Variants in CIMAP2 observed in about 807,000 individuals in gnomAD.
CIMAP2 encodes the protein ciliary microtubule-associated protein 2.
chr1:54,823,912 G>T, the CIMAP2 span, among the ~76,000 whole-genome samples: 1 of 152,150 alleles, frequency 6.6e-6, no homozygotes, highest in African/African-American at 2.4e-5. Context: ...TGATAGCTTT[G>T]CTGGGTGTAG....
the CIMAP2 span, chr1:54,841,584 C>G: frequency 5.6e-6 from 9 of 1,614,034 alleles, no homozygotes; most frequent in South Asian, 9.9e-5. Context: ...ATGAGCTGAA[C>G]TGAGTGTGAA....
chr1:54,840,149 CT>C, the CIMAP2 span, among the ~76,000 whole-genome samples: 3 of 152,120 alleles, frequency 2.0e-5, no homozygotes, highest in Admixed American at 6.5e-5. Flanking sequence ...TGTAGTCAGT[CT>C]ACTCCTCCCA....
the CIMAP2 span, among the ~76,000 whole-genome samples, chr1:54,822,786 A>T: frequency 6.6e-6 from 1 of 152,186 alleles, no homozygotes; most frequent in South Asian, 2.1e-4. Flanking sequence ...GATTCCAGGC[A>T]TGAGACACTA....
the CIMAP2 span, chr1:54,807,616 GC>G: frequency 6.2e-7 from 1 of 1,610,498 alleles, no homozygotes; most frequent in South Asian, 1.1e-5. Flanking sequence ...CTGGGCCAAG[GC>G]CCAGGAAGCC....
chr1:54,806,977 G>A, the CIMAP2 span: 1 of 1,606,242 alleles, frequency 6.2e-7, no homozygotes, highest in Non-Finnish European at 8.5e-7. Flanking sequence ...GCTCTCACTG[G>A]GCCACCGTCC....
chr1:54,811,765 G>GCGGGGGGGGGGCCCCCCCCC, the CIMAP2 span: 1 of 1,301,318 alleles, frequency 7.7e-7, no homozygotes, highest in Admixed American at 1.8e-5. Context: ...GGTTCTGACA[G>GCGGGGGGGGGGCCCCCCCCC]CCTCCATGCC....
At chr1:54,811,921 G>A in the CIMAP2 span, 271 of 1,613,822 alleles carry the variant, frequency 1.7e-4, 2 homozygotes, top group South Asian at 2.5e-3. Flanking sequence ...CCACACCCCC[G>A]GCCTCATCAG....
the CIMAP2 span, among the ~76,000 whole-genome samples, chr1:54,820,554 T>C: frequency 1.3e-5 from 2 of 152,176 alleles, no homozygotes; most frequent in South Asian, 4.1e-4. Flanking sequence ...ACCAAAAGCA[T>C]GTAAGAGCTC....
At chr1:54,836,267 G>A in the CIMAP2 span, among the ~76,000 whole-genome samples, 7 of 130,972 alleles carry the variant, frequency 5.3e-5, no homozygotes, top group Admixed American at 3.8e-4. Flanking sequence ...TCGCCCTCCC[G>A]CCTGCCTACC....
At chr1:54,812,226 C>T in the CIMAP2 span, 6 of 1,612,100 alleles carry the variant, frequency 3.7e-6, no homozygotes, top group African/African-American at 5.3e-5. Flanking sequence ...TAGTCCATGC[C>T]CCAGCAGGAT....
At chr1:54,822,985 G>T in the CIMAP2 span, among the ~76,000 whole-genome samples, 4 of 152,126 alleles carry the variant, frequency 2.6e-5, no homozygotes, top group Non-Finnish European at 5.9e-5. Flanking sequence ...TTGTTTCATG[G>T]CCTAACATAT....
At chr1:54,811,645 T>A in the CIMAP2 span, 1 of 814,680 alleles carries the variant, frequency 1.2e-6, no homozygotes, top group African/African-American at 1.7e-5. Flanking sequence ...CGGGCAACAA[T>A]GTTGTGTGTC....
At chr1:54,818,968 C>A in the CIMAP2 span, among the ~76,000 whole-genome samples, 1 of 152,146 alleles carries the variant, frequency 6.6e-6, no homozygotes, top group African/African-American at 2.4e-5. Context: ...GTCTCCAATT[C>A]TTCCAAGTTC....
At chr1:54,817,004 G>A in the CIMAP2 span, 70 of 1,614,142 alleles carry the variant, frequency 4.3e-5, no homozygotes, top group South Asian at 7.2e-4. Context: ...AGTAGGTGTG[G>A]GCCGCTACCT....
At chr1:54,811,765 G>GCCGGGGGGGGGGGGGCCCCCCC in the CIMAP2 span, 27 of 1,301,264 alleles carry the variant, frequency 2.1e-5, no homozygotes, top group East Asian at 7.4e-5. Flanking sequence ...GGTTCTGACA[G>GCCGGGGGGGGGGGGGCCCCCCC]CCTCCATGCC....
chr1:54,833,590 G>C, the CIMAP2 span, among the ~76,000 whole-genome samples: 1 of 152,164 alleles, frequency 6.6e-6, no homozygotes, highest in South Asian at 2.1e-4. Context: ...TGTGGGAAAG[G>C]CAGCCTTTTG....
At chr1:54,815,014 C>T in the CIMAP2 span, 4 of 1,614,004 alleles carry the variant, frequency 2.5e-6, no homozygotes, top group Non-Finnish European at 3.4e-6. Flanking sequence ...GGTGCAAAGG[C>T]CTGCCAGATG....
At chr1:54,837,665 G>C in the CIMAP2 span, among the ~76,000 whole-genome samples, 1 of 152,116 alleles carries the variant, frequency 6.6e-6, no homozygotes, top group Non-Finnish European at 1.5e-5. Context: ...CAGTCTTTGG[G>C]ACGACCCCAA....
the CIMAP2 span, among the ~76,000 whole-genome samples, chr1:54,806,717 G>A: frequency 6.6e-6 from 1 of 150,624 alleles, no homozygotes; most frequent in Non-Finnish European, 1.5e-5. Context: ...TGGGGGGTGG[G>A]GGTGGGTAAT....
Sources: gnomAD v4.1 joint callset for allele counts (sites outside exome capture counted in the v4.1 genomes callset) on GRCh38, gnomAD v4.1.1 for gene constraint, MANE v1.5 for transcripts, NCBI Gene and HGNC (gene_info 2026-07-23, HGNC 2026-07-21) for gene names.